Variants in SH2D1A observed in about 807,000 individuals in gnomAD.
SH2D1A encodes the protein SH2 domain-containing protein 1A.
In SH2D1A, 6 loss-of-function variants were observed where a neutral mutation model predicts 10.1. The ratio of observed to expected loss-of-function variants is 0.60; its 90% CI spans 0.33 to 1.18. The LOEUF (loss-of-function observed/expected upper bound fraction) is 1.18. Ranked by LOEUF, SH2D1A falls within the 50% of genes most tolerant of loss-of-function variation. The pLI, the probability that SH2D1A is intolerant of heterozygous loss-of-function variation, is 0.04. For missense variants in SH2D1A, 51 were observed against 97.6 expected (o/e 0.52, Z 2.01); for synonymous variants, 42 against 36.9 (o/e 1.14, Z -0.51).
chrX:124,353,999 A>T (rs1005027767), intron 1 of SH2D1A, among the ~76,000 whole-genome samples: 1 of 112,316 alleles, frequency 8.9e-6, no homozygotes, highest in Non-Finnish European at 1.9e-5. Context: ...TTGAAATTAT[A>T]ACTTAACTTC....
At chrX:124,365,959 G>A in intron 2 of SH2D1A, 135 bp downstream of exon 2, 1 of 471,981 alleles carries the variant, frequency 2.1e-6, no homozygotes, top group Non-Finnish European at 3.8e-6. Flanking sequence ...ATCCAAAATT[G>A]TTCATGGATC....
At chrX:124,350,175 C>A (rs12006960) in intron 1 of SH2D1A, among the ~76,000 whole-genome samples, 34,656 of 57,848 alleles carry the variant, frequency 0.6, 9,948 homozygotes, top group African/African-American at 0.85. Context: ...ATATAAATAT[C>A]TAATATATAT....
chrX:124,369,199 C>T (rs2060063453), intron 2 of SH2D1A, among the ~76,000 whole-genome samples: 1 of 110,620 alleles, frequency 9.0e-6, no homozygotes, highest in Admixed American at 9.7e-5. Flanking sequence ...AAACAGCTCC[C>T]ACCTCAAAAA....
intron 1 of SH2D1A, among the ~76,000 whole-genome samples, chrX:124,360,051 G>A (rs370467207): frequency 1.7e-4 from 19 of 110,360 alleles, no homozygotes; most frequent in African/African-American, 5.9e-4. Context: ...GATTACAGGT[G>A]CCCACCACCA....
intron 1 of SH2D1A, 53 bp from the exon 2 acceptor site, chrX:124,365,707 AG>A: frequency 1.3e-6 from 1 of 775,550 alleles, no homozygotes; most frequent in Non-Finnish European, 2.0e-6. Flanking sequence ...TCAAATTTAA[AG>A]TATCCATTGT....
At position 124,371,367 on chromosome X, in the gene SH2D1A, T is replaced by C. The variant is rs1342851228; in HGVS notation, c.363T>C (p.Pro121=). ...TTTCTTTAGGGATAAGAGAAGATCCTGATGTCTGCCTGAAAGCCCCATGAA... is the reference window on the plus strand; with the variant it reads ...TTTCTTTAGGGATAAGAGAAGATCCCGATGTCTGCCTGAAAGCCCCATGAA... The part of the protein sequence containing the change: ...TQGTTGIRED[P]DVCLKAP Residue 121 remains proline, a synonymous_variant, in exon 4 of 4, where the codon CCT becomes CCC. Transcript: ENST00000371139. 1 of 1,173,774 alleles carries C rather than the reference T, an allele frequency of 8.5e-7. No individual in the cohort carries two copies. Among genetic ancestry groups the C allele is most frequent in the East Asian group, 3.0e-5 (1 of 33,632 alleles).
chrX:124,367,817 G>C (rs1365837425), intron 2 of SH2D1A, among the ~76,000 whole-genome samples: 1 of 111,585 alleles, frequency 9.0e-6, no homozygotes, highest in South Asian at 3.8e-4. Context: ...CTAAAAGTTT[G>C]TTACATTGTT....
chrX:124,365,309 TA>T (rs2060051327), intron 1 of SH2D1A, among the ~76,000 whole-genome samples: 2 of 110,450 alleles, frequency 1.8e-5, no homozygotes, highest in Non-Finnish European at 3.8e-5. Flanking sequence ...ATTATATTTA[TA>T]ACAAATATTA....
At chrX:124,363,252 T>G (rs2060044566) in intron 1 of SH2D1A, among the ~76,000 whole-genome samples, 1 of 111,773 alleles carries the variant, frequency 8.9e-6, no homozygotes, top group South Asian at 3.8e-4. Flanking sequence ...AAGTTACAAC[T>G]AAGGCACTTT....
chrX:124,359,256 T>C (rs1263484938), intron 1 of SH2D1A, among the ~76,000 whole-genome samples: 2 of 111,971 alleles, frequency 1.8e-5, no homozygotes, highest in African/African-American at 6.5e-5. Flanking sequence ...AGGAAACAAT[T>C]CTCAAAACAG....
rs781776334 is a variant in SH2D1A, at chrX:124,346,832, C to T, written c.137+53C>T. Reference sequence around the variant, plus strand: ...TGCTGAGGGTGTGGGCGGTGGGCAACAGCAGCTGGGGCCAGGGTGGAGGCC... The same window carrying T: ...TGCTGAGGGTGTGGGCGGTGGGCAATAGCAGCTGGGGCCAGGGTGGAGGCC... On this transcript the variant is annotated intron_variant, in intron 1 of 3. Coordinates refer to ENST00000371139, the MANE Select transcript of SH2D1A (RefSeq NM_002351.5). The T allele has an allele frequency of 4.0e-4, 473 of 1,195,777 alleles. 1 individual carries two copies. The highest frequency in any genetic ancestry group is 5.2e-4 in the Non-Finnish European group (457 of 882,876).
chrX:124,365,855 G>T lies in SH2D1A; in HGVS notation c.201+31G>T, dbSNP rs768667838. The T allele has an allele frequency of 3.8e-5, 35 of 920,561 alleles. No individual in the cohort carries two copies. The South Asian group carries it at 6.5e-4, about 17-fold the overall frequency. The allele number at this position is 920,561 out of a possible 1,213,427, so 75.9% of individuals were successfully genotyped here. A position where few individuals can be genotyped will look rare whatever the true frequency, so the allele number is the denominator to read the frequency against. On this transcript the variant is annotated intron_variant, in intron 2 of 3. Coordinates refer to ENST00000371139, the MANE Select transcript of SH2D1A (RefSeq NM_002351.5). Reference sequence around the variant, plus strand: ...GTTGTATTTATTTTTGCTTCTGGGGGTGTCAAGGAGGTATTTGAAATTTAG... The same window carrying T: ...GTTGTATTTATTTTTGCTTCTGGGGTTGTCAAGGAGGTATTTGAAATTTAG...
intron 1 of SH2D1A, chrX:124,364,530 A>G: frequency 5.0e-6 from 1 of 198,560 alleles, no homozygotes; most frequent in Non-Finnish European, 9.4e-6. Context: ...TTTTTGAGAC[A>G]ATCTCGCTCC....
At chrX:124,361,072 T>C (rs1421760856) in intron 1 of SH2D1A, among the ~76,000 whole-genome samples, 1 of 111,851 alleles carries the variant, frequency 8.9e-6, no homozygotes, top group African/African-American at 3.3e-5. Flanking sequence ...TGCTAGAAAC[T>C]TAACTTTTTA....
At chrX:124,355,863 T>A (rs893810379) in intron 1 of SH2D1A, among the ~76,000 whole-genome samples, 2 of 111,958 alleles carry the variant, frequency 1.8e-5, no homozygotes, top group Non-Finnish European at 3.8e-5. Context: ...TTGTGCCCAC[T>A]TTTTACACAT....
intron 1 of SH2D1A, among the ~76,000 whole-genome samples, chrX:124,351,038 A>AT (rs1190077566): frequency 1.1e-5 from 1 of 89,604 alleles, no homozygotes; most frequent in South Asian, 4.5e-4. Flanking sequence ...AAATATATAT[A>AT]TTTTATATAT....
Position 124,363,916 on chromosome X carries a change from A to AAG in SH2D1A, c.138-1845_138-1844insAG, listed in dbSNP as rs1569527532. Among the ~76,000 whole-genome samples the AAG allele has an allele frequency of 2.0e-4, 17 of 85,079 alleles. 1 individual carries two copies. The highest frequency in any genetic ancestry group is 2.8e-4 in the African/African-American group (6 of 21,411). The allele number at this position is 85,079 out of a possible 115,157, so 73.9% of individuals were successfully genotyped here. A position where few individuals can be genotyped will look rare whatever the true frequency, so the allele number is the denominator to read the frequency against. Reference sequence around the variant, plus strand: ...AAAAAAAAAAAAAAAAAAAAAAAAAAGAAAGAAAAAGAAAAAGAAAAAAAT... The same window carrying AAG: ...AAAAAAAAAAAAAAAAAAAAAAAAAAAGGAAAGAAAAAGAAAAAGAAAAAAAT... On this transcript the variant is annotated intron_variant, in intron 1 of 3. Coordinates refer to ENST00000371139, the MANE Select transcript of SH2D1A (RefSeq NM_002351.5).
At chrX:124,363,000 A>G (rs912509179) in intron 1 of SH2D1A, among the ~76,000 whole-genome samples, 11 of 111,131 alleles carry the variant, frequency 9.9e-5, no homozygotes, top group African/African-American at 3.3e-4. Flanking sequence ...AATGAAACTT[A>G]TGTTGCTGGC....
At chrX:124,348,786 C>G (rs757253509) in intron 1 of SH2D1A, among the ~76,000 whole-genome samples, 1 of 112,233 alleles carries the variant, frequency 8.9e-6, no homozygotes, top group East Asian at 2.8e-4. Context: ...ATAATAGGCA[C>G]TCAGCAGATA....
Sources: gnomAD v4.1 joint callset for allele counts (sites outside exome capture counted in the v4.1 genomes callset) on GRCh38, gnomAD v4.1.1 for gene constraint, MANE v1.5 for transcripts, NCBI Gene and HGNC (gene_info 2026-07-23, HGNC 2026-07-21) for gene names.